Variants in GABRA2 observed in about 807,000 individuals in gnomAD.
GABRA2 encodes the protein gamma-aminobutyric acid type A receptor subunit alpha2, also known as gamma-aminobutyric acid receptor subunit alpha-2.
GABRA2 carries 16 observed loss-of-function variants against 48.7 expected under a neutral mutation model. The observed-to-expected ratio is 0.33, with a 90% confidence interval of 0.22 to 0.50. The LOEUF is 0.50. Ranked by LOEUF, GABRA2 falls within the 20% of genes least tolerant of loss-of-function variation. The probability of loss-of-function intolerance (pLI) is 0.98; values close to 1 mark genes in which losing one functional copy is unlikely to be tolerated. For synonymous variants in GABRA2, 185 were observed against 184.5 expected (o/e 1.00, Z -0.02); for missense variants, 275 against 535.6 (o/e 0.51, Z 4.80).
At chr4:46,273,063 G>GA (rs11454175) in intron 8 of GABRA2, among the ~76,000 whole-genome samples, 93,911 of 149,654 alleles carry the variant, frequency 0.63, 30,104 homozygotes, top group South Asian at 0.77. Flanking sequence ...ACCCCTGACA[G>GA]AAATTTAAAC....
intron 9 of GABRA2, chr4:46,261,631 G>C: frequency 2.1e-6 from 1 of 476,750 alleles, no homozygotes; most frequent in South Asian, 4.0e-5. Flanking sequence ...GAATAAGAAG[G>C]CAGTCTAGTC....
chr4:46,372,415 T>C (rs1337723231), intron 3 of GABRA2, among the ~76,000 whole-genome samples: 1 of 152,120 alleles, frequency 6.6e-6, no homozygotes, highest in Non-Finnish European at 1.5e-5. Flanking sequence ...GATAGGATAG[T>C]TGGAGCTGCA....
chr4:46,333,638 A>C (rs279829), intron 3 of GABRA2, among the ~76,000 whole-genome samples: 33,316 of 152,000 alleles, frequency 0.22, 4,728 homozygotes, highest in East Asian at 0.51. Flanking sequence ...GGCAAGAATA[A>C]AAAATAGAAA....
chr4:46,337,602 G>A (rs1474430016), intron 3 of GABRA2, among the ~76,000 whole-genome samples: 1 of 141,888 alleles, frequency 7.0e-6, no homozygotes, highest in African/African-American at 2.6e-5. Context: ...AGACAAAGTA[G>A]ACTGAAGATA....
intron 3 of GABRA2, among the ~76,000 whole-genome samples, chr4:46,376,696 T>C (rs1715749173): frequency 6.6e-6 from 1 of 151,828 alleles, no homozygotes; most frequent in African/African-American, 2.4e-5. Flanking sequence ...AGACCAGACA[T>C]AGTGAGATCC....
chr4:46,264,897 G>A (rs543384618), intron 8 of GABRA2, among the ~76,000 whole-genome samples: 1 of 149,606 alleles, frequency 6.7e-6, no homozygotes, highest in Non-Finnish European at 1.5e-5. Context: ...AGTCTATTTT[G>A]GTCATGTGTA....
chr4:46,285,015 C>A (rs1324613651), intron 8 of GABRA2, among the ~76,000 whole-genome samples: 2 of 121,770 alleles, frequency 1.6e-5, no homozygotes, highest in African/African-American at 6.3e-5. Context: ...TCCAATGATG[C>A]TGCTCACCCT....
rs1250716695 is a variant in GABRA2 at position 46,385,526 on chromosome 4, C to T, written c.187+548G>A. 5.9e-5 allele frequency among the ~76,000 whole-genome samples: 9 copies of T among 152,018 alleles called. No homozygotes were observed. The East Asian group carries it at 1.2e-3, about 20-fold the overall frequency. Reference sequence around the variant, plus strand: ...TCCAAAACTTTAGACCTATGTCTAACGTATATCTGAAATGTCTTTGAAAGT... The same window carrying T: ...TCCAAAACTTTAGACCTATGTCTAATGTATATCTGAAATGTCTTTGAAAGT... On this transcript the variant is annotated intron_variant, in intron 3 of 9. Transcript: ENST00000381620.
chr4:46,286,191 G>A (rs753537389), intron 8 of GABRA2, among the ~76,000 whole-genome samples: 3 of 151,876 alleles, frequency 2.0e-5, no homozygotes, highest in Non-Finnish European at 4.4e-5. Flanking sequence ...TTCATATAAA[G>A]GAATCATATA....
chr4:46,291,862 T>C (rs1179380232), intron 8 of GABRA2, among the ~76,000 whole-genome samples: 9 of 151,780 alleles, frequency 5.9e-5, no homozygotes, highest in African/African-American at 1.9e-4. Context: ...CCCTGACTAA[T>C]ACAGACTTTT....
intron 8 of GABRA2, among the ~76,000 whole-genome samples, chr4:46,263,090 C>T (rs1717385210): frequency 1.3e-5 from 2 of 151,532 alleles, no homozygotes; most frequent in Non-Finnish European, 2.9e-5. Flanking sequence ...TATACATATA[C>T]ATATACATGT....
intron 3 of GABRA2, among the ~76,000 whole-genome samples, chr4:46,362,552 C>G (rs990049843): frequency 6.6e-6 from 1 of 152,156 alleles, no homozygotes; most frequent in Admixed American, 6.5e-5. Flanking sequence ...AAATTAGACA[C>G]ACTGTTTTAT....
intron 3 of GABRA2, among the ~76,000 whole-genome samples, chr4:46,344,830 T>C (rs1329925600): frequency 2.6e-5 from 4 of 151,950 alleles, no homozygotes; most frequent in Non-Finnish European, 5.9e-5. Context: ...GGAGATAAAT[T>C]TCTAGTTAGC....
At chr4:46,255,000 C>T (rs1005138449) in intron 9 of GABRA2, among the ~76,000 whole-genome samples, 3 of 151,568 alleles carry the variant, frequency 2.0e-5, no homozygotes, top group Non-Finnish European at 4.4e-5. Flanking sequence ...TGAGTCACAT[C>T]GACCAAGACA....
intron 4 of GABRA2, among the ~76,000 whole-genome samples, chr4:46,314,612 T>C (rs543505786): frequency 6.6e-6 from 1 of 152,062 alleles, no homozygotes; most frequent in Non-Finnish European, 1.5e-5. Flanking sequence ...TACCCAATAG[T>C]TAGTTTTCCA....
rs558334398 is a variant in GABRA2 at position 46,334,654 on chromosome 4, C to G, written c.188-1972G>C. Among the ~76,000 whole-genome samples the G allele has an allele frequency of 2.0e-5, 3 of 152,216 alleles. No individual in the cohort carries two copies. In the South Asian group the frequency reaches 6.2e-4, roughly 32 times the overall value. On this transcript the variant is annotated intron_variant, in intron 3 of 9. Coordinates refer to ENST00000381620, the MANE Select transcript of GABRA2 (RefSeq NM_000807.4). Reference sequence around the variant, plus strand: ...AGTAAAGGGTGAAGGGGTATCAGTACCTAGTGGCTATAGGGAGGTGTCAGC... The same window carrying G: ...AGTAAAGGGTGAAGGGGTATCAGTAGCTAGTGGCTATAGGGAGGTGTCAGC...
intron 3 of GABRA2, among the ~76,000 whole-genome samples, chr4:46,377,464 G>T (rs1467008158): frequency 7.7e-6 from 1 of 129,582 alleles, no homozygotes; most frequent in Non-Finnish European, 1.7e-5. Context: ...CCTGGCAACC[G>T]CCCCGTCTGA....
chr4:46,357,663 TTTC>T, intron 3 of GABRA2, among the ~76,000 whole-genome samples: 2 of 149,010 alleles, frequency 1.3e-5, no homozygotes, highest in African/African-American at 5.1e-5. Context: ...TTTTATTTTC[TTTC>T]TTTTTTTTTT....
intron 3 of GABRA2, 46 bp downstream of exon 3, chr4:46,386,028 A>G (rs776046200): frequency 8.8e-7 from 1 of 1,134,760 alleles, no homozygotes; most frequent in South Asian, 1.3e-5. Flanking sequence ...TTAACTTTTA[A>G]AGGCATTATT....
Sources: allele counts gnomAD v4.1 joint callset (sites outside exome capture counted in the v4.1 genomes callset), GRCh38; gene constraint gnomAD v4.1.1; transcripts MANE v1.5; gene names NCBI Gene and HGNC (gene_info 2026-07-23, HGNC 2026-07-21).